Variants in NRG3 observed in about 807,000 individuals in gnomAD.
NRG3 encodes the protein neuregulin 3.
In NRG3, 31 loss-of-function variants were observed where a neutral mutation model predicts 66.9. The observed-to-expected ratio is 0.46, with a 90% CI of 0.35 to 0.63. The LOEUF (loss-of-function observed/expected upper bound fraction) is 0.63, where lower values mean the gene tolerates loss of function less well. Among genes scored for constraint, NRG3 ranks in the 20% least tolerant of loss-of-function variants. The probability of loss-of-function intolerance (pLI) is 0.00; values close to 1 mark genes in which losing one functional copy is unlikely to be tolerated. For missense variants in NRG3, 910 were observed against 878.9 expected (o/e 1.04, Z -0.45); for synonymous variants, 393 against 359.4 (o/e 1.09, Z -1.06).
chr10:81,912,017 A>C (rs1845216426), intron 1 of NRG3, among the ~76,000 whole-genome samples: 1 of 152,226 alleles, frequency 6.6e-6, no homozygotes, highest in Admixed American at 6.5e-5. Flanking sequence ...AGATAAAAAA[A>C]GTCTCCAAAA....
chr10:81,945,781 G>A (rs1848790811), intron 1 of NRG3, among the ~76,000 whole-genome samples: 1 of 152,100 alleles, frequency 6.6e-6, no homozygotes, highest in African/African-American at 2.4e-5. Flanking sequence ...ACTGGAGTGG[G>A]GGAGACCGCT....
At position 81,969,463 on chromosome 10, in the gene NRG3, G is replaced by A. The variant is rs566817226; in HGVS notation, c.823+93300G>A. ...TTACTGGTGTAGACAGGAGGGACGA[G>A]CAGGGGGAGCAGAGAGAGAGAGAGG... On this transcript the variant is annotated intron_variant, in intron 1 of 8. Coordinates refer to ENST00000372141, the MANE Select transcript of NRG3 (RefSeq NM_001010848.4). Among the ~76,000 whole-genome samples, 6 of 152,258 alleles carry A rather than the reference G, an allele frequency of 3.9e-5. No individual in the cohort carries two copies. In the South Asian group the frequency reaches 1.0e-3, roughly 26 times the overall value.
At chr10:82,329,902 T>C (rs2082058449) in intron 1 of NRG3, among the ~76,000 whole-genome samples, 1 of 152,224 alleles carries the variant, frequency 6.6e-6, no homozygotes, top group South Asian at 2.1e-4. Context: ...CCTGAGCTGC[T>C]ATAGCTATGG....
At chr10:81,968,594 G>A (rs997036911) in intron 1 of NRG3, among the ~76,000 whole-genome samples, 1 of 152,174 alleles carries the variant, frequency 6.6e-6, no homozygotes, top group East Asian at 1.9e-4. Flanking sequence ...GGATCTTTAC[G>A]TAGTGGTATT....
chr10:82,831,163 A>T (rs1041824034), intron 3 of NRG3, among the ~76,000 whole-genome samples: 9 of 152,246 alleles, frequency 5.9e-5, no homozygotes, highest in African/African-American at 2.2e-4. Context: ...ACTGGTCCTT[A>T]TCAGGGCCAG....
chr10:81,991,691 C>T (rs1192955476), intron 1 of NRG3, among the ~76,000 whole-genome samples: 2 of 152,046 alleles, frequency 1.3e-5, no homozygotes, highest in African/African-American at 4.8e-5. Flanking sequence ...ATGAAAACCA[C>T]ACATGATTTA....
At chr10:82,163,640 T>C (rs1448236805) in intron 1 of NRG3, among the ~76,000 whole-genome samples, 1 of 152,028 alleles carries the variant, frequency 6.6e-6, no homozygotes, top group Admixed American at 6.6e-5. Flanking sequence ...GGTTTAGAAG[T>C]GGTTAGAAAA....
intron 1 of NRG3, among the ~76,000 whole-genome samples, chr10:81,890,051 A>G (rs1253631978): frequency 6.6e-6 from 1 of 152,214 alleles, no homozygotes; most frequent in African/African-American, 2.4e-5. Context: ...TAAAAGTCTA[A>G]GGAGCTCTAT....
At chr10:82,474,162 T>C (rs1017989621) in intron 2 of NRG3, among the ~76,000 whole-genome samples, 1 of 151,902 alleles carries the variant, frequency 6.6e-6, no homozygotes, top group Non-Finnish European at 1.5e-5. Flanking sequence ...TCTGTGTCTG[T>C]TTTTTGCAAG....
intron 1 of NRG3, chr10:82,224,345 C>A (rs2076075237): frequency 6.6e-6 from 1 of 152,148 alleles, no homozygotes; most frequent in Non-Finnish European, 1.5e-5. Context: ...TTATCTTCTG[C>A]TTCAGGTACA....
intron 1 of NRG3, among the ~76,000 whole-genome samples, chr10:82,036,036 A>G (rs976953721): frequency 3.9e-5 from 6 of 152,008 alleles, no homozygotes; most frequent in Non-Finnish European, 7.4e-5. Context: ...AGCATCTACT[A>G]TTTCTGCCAT....
In NRG3 at chr10:82,939,429, TTTGTTG is replaced by T. The variant is rs143997584; in HGVS notation, c.1055-12028_1055-12023del. On this transcript the variant is annotated intron_variant, in intron 4 of 8. Coordinates refer to ENST00000372141, the MANE Select transcript of NRG3 (RefSeq NM_001010848.4). ...ATAAAGTAATTATTTCAGTTTTTCC[TTTGTTG>T]TTGTTGTTGTTTGTTGTTGTTGTTA... Among the ~76,000 whole-genome samples the T allele has an allele frequency of 4.8e-3, 733 of 152,082 alleles. 6 individuals carry two copies. Among genetic ancestry groups the T allele is most frequent in the African/African-American group, 0.017 (696 of 41,460 alleles).
chr10:82,693,808 G>T (rs2055140086), intron 2 of NRG3, among the ~76,000 whole-genome samples: 1 of 152,186 alleles, frequency 6.6e-6, no homozygotes, highest in Admixed American at 6.5e-5. Flanking sequence ...TAAAGGTGGT[G>T]CAGACCCAAA....
At chr10:82,834,071 C>T (rs551622292) in intron 3 of NRG3, among the ~76,000 whole-genome samples, 1 of 152,202 alleles carries the variant, frequency 6.6e-6, no homozygotes, top group East Asian at 1.9e-4. Context: ...TTTTCCCATC[C>T]TGGGTATATC....
At chr10:82,153,447 T>C (rs7909681) in intron 1 of NRG3, among the ~76,000 whole-genome samples, 14,043 of 142,814 alleles carry the variant, frequency 0.098, 922 homozygotes, top group East Asian at 0.19. Flanking sequence ...GTGTGTTTTC[T>C]TTATCCTTTG....
chr10:82,409,170 C>G (rs762223587), intron 2 of NRG3, among the ~76,000 whole-genome samples: 1 of 152,092 alleles, frequency 6.6e-6, no homozygotes, highest in East Asian at 1.9e-4. Context: ...GACTATCTAC[C>G]AATTACTTCA....
intron 4 of NRG3, among the ~76,000 whole-genome samples, chr10:82,894,110 T>A (rs1187999298): frequency 6.6e-6 from 1 of 152,206 alleles, no homozygotes; most frequent in Non-Finnish European, 1.5e-5. Context: ...AAATTTATTT[T>A]AAATGCATGG....
At position 82,834,711 on chromosome 10, in the gene NRG3, C is replaced by T. The variant is rs190083954; in HGVS notation, c.1028-30700C>T. Among the ~76,000 whole-genome samples, 6 of 152,324 alleles carry T rather than the reference C, an allele frequency of 3.9e-5. No homozygotes were observed. In the East Asian group the frequency reaches 9.7e-4, roughly 25 times the overall value. ...CTCACTCCTCCTACCTGAAAAGAAA[C>T]TCACTAGTTGCTAATTACCAATATC... On this transcript the variant is annotated intron_variant, in intron 3 of 8. Coordinates refer to ENST00000372141, the MANE Select transcript of NRG3 (RefSeq NM_001010848.4).
Position 81,875,628 on chromosome 10 carries a change from G to T in NRG3, c.288G>T (p.Glu96Asp). 2 of 1,613,760 alleles carry T rather than the reference G, an allele frequency of 1.2e-6. No homozygotes were observed. Among genetic ancestry groups the T allele is most frequent in the Non-Finnish European group, 1.7e-6 (2 of 1,179,954 alleles). ...LKWIVVGSVK[E>D]YVPTDLVDSK... ...GGATCGTGGTGGGCTCCGTCAAGGA[G>T]TACGTGCCCACCGACCTAGTGGACT... Residue 96 changes from glutamate to aspartate, a missense_variant, in exon 1 of 9, where the codon GAG becomes GAT. Glu to Asp is a conservative substitution (Grantham distance 45, BLOSUM62 2). Transcript: ENST00000372141. The surrounding 1 kb of genome is among the most constrained non-coding windows in gnomAD (Gnocchi z 5.3).
Sources: gnomAD v4.1 joint callset for allele counts (sites outside exome capture counted in the v4.1 genomes callset) on GRCh38, gnomAD v4.1.1 for gene constraint, Gnocchi (gnomAD v3.1) non-coding constraint, MANE v1.5 for transcripts, NCBI Gene and HGNC (gene_info 2026-07-23, HGNC 2026-07-21) for gene names.